Variants in RAD51B observed in about 807,000 individuals in gnomAD.
RAD51B encodes the protein DNA repair protein RAD51 homolog 2.
Under a neutral mutation model 42.2 loss-of-function variants are expected in RAD51B, and 38 were observed. That is an observed-to-expected ratio of 0.90 (90% CI 0.70 to 1.18). The LOEUF (loss-of-function observed/expected upper bound fraction) is 1.18. Among genes scored for constraint, RAD51B ranks in the 50% most tolerant of loss-of-function variants. The pLI, the probability that RAD51B is intolerant of heterozygous loss-of-function variation, is 0.00. For missense variants in RAD51B, 373 were observed against 400.7 expected (o/e 0.93, Z 0.59); for synonymous variants, 154 against 145.2 (o/e 1.06, Z -0.43).
intron 5 of RAD51B, among the ~76,000 whole-genome samples, chr14:67,870,992 C>T (rs1480660781): frequency 4.0e-5 from 6 of 150,730 alleles, no homozygotes; most frequent in Non-Finnish European, 8.9e-5. Context: ...CAGGAAAGAT[C>T]CAAAATTGAC....
chr14:68,645,450 T>C (rs879564751), intron 10 of RAD51B, among the ~76,000 whole-genome samples: 1 of 152,238 alleles, frequency 6.6e-6, no homozygotes, highest in Non-Finnish European at 1.5e-5. Context: ...ATAATGTTGC[T>C]ATGAACGTGG....
intron 10 of RAD51B, among the ~76,000 whole-genome samples, chr14:68,577,742 TCA>T (rs139667426): frequency 1.3e-4 from 20 of 149,266 alleles, no homozygotes; most frequent in Admixed American, 2.7e-4. Flanking sequence ...ACCTCTCTCA[TCA>T]CACACACACA....
intron 7 of RAD51B, among the ~76,000 whole-genome samples, chr14:67,976,590 T>C (rs1304849694): frequency 6.6e-6 from 1 of 152,118 alleles, no homozygotes; most frequent in African/African-American, 2.4e-5. Context: ...ACTTACATAT[T>C]AGACCTAAAA....
chr14:67,931,057 A>G (rs575826568), intron 7 of RAD51B, among the ~76,000 whole-genome samples: 1 of 152,130 alleles, frequency 6.6e-6, no homozygotes, highest in South Asian at 2.1e-4. Flanking sequence ...AGTAGCTGGG[A>G]CTACAGGAGC....
At chr14:68,595,776 A>G in exon 11 of RAD51B, 1 of 421,086 alleles carries the variant, frequency 2.4e-6, no homozygotes, top group Non-Finnish European at 3.4e-6. Flanking sequence ...AAGTGTTCAC[A>G]CCATATTATT....
Position 68,093,842 on chromosome 14 carries a change from G to T in RAD51B, c.757-198042G>T, listed in dbSNP as rs910310331. 2.6e-5 allele frequency among the ~76,000 whole-genome samples: 4 copies of T among 152,186 alleles called. No individual in the cohort carries two copies. In the East Asian group the frequency reaches 5.8e-4, roughly 22 times the overall value. ...CAAACAATGATGTGAGGAACATCCT[G>T]GTACTCTCCAGGGTATGTACTGAGG... On this transcript the variant is annotated intron_variant, in intron 7 of 10. Coordinates refer to ENST00000471583, the MANE Select transcript of RAD51B (RefSeq NM_133510.4).
intron 10 of RAD51B, chr14:68,563,079 GA>G: frequency 1.0e-6 from 1 of 985,488 alleles, no homozygotes; most frequent in Non-Finnish European, 1.2e-6. Flanking sequence ...GAGGCTGGCA[GA>G]AAAGCCTCCG....
chr14:68,598,825 GTAT>G (rs929601751), downstream of RAD51B, among the ~76,000 whole-genome samples: 1 of 152,204 alleles, frequency 6.6e-6, no homozygotes, highest in African/African-American at 2.4e-5. Flanking sequence ...AGAAAATGGA[GTAT>G]TATTATTATT....
At chr14:68,642,624 T>G (rs977417902) in intron 10 of RAD51B, among the ~76,000 whole-genome samples, 2 of 152,200 alleles carry the variant, frequency 1.3e-5, no homozygotes, top group African/African-American at 4.8e-5. Flanking sequence ...TTCCTTTGAT[T>G]TGTATTATTT....
intron 10 of RAD51B, among the ~76,000 whole-genome samples, chr14:68,530,446 CAAAAAA>C (rs35454756): frequency 2.7e-4 from 18 of 67,842 alleles, no homozygotes; most frequent in Non-Finnish European, 4.0e-4. Flanking sequence ...GACCCTGTCT[CAAAAAA>C]AAAAAAAAAA....
chr14:68,585,887 G>T (rs543178944), intron 10 of RAD51B, among the ~76,000 whole-genome samples: 3 of 152,088 alleles, frequency 2.0e-5, no homozygotes, highest in South Asian at 2.1e-4. Context: ...AGCTGCAGAG[G>T]GGGGAGACAA....
intron 8 of RAD51B, among the ~76,000 whole-genome samples, chr14:68,319,568 G>A (rs1472637060): frequency 6.6e-6 from 1 of 152,084 alleles, no homozygotes; most frequent in African/African-American, 2.4e-5. Flanking sequence ...TTATCTTCTT[G>A]TAGCCAGCTC....
chr14:68,413,146 A>G (rs2084462736), intron 9 of RAD51B, among the ~76,000 whole-genome samples: 1 of 152,244 alleles, frequency 6.6e-6, no homozygotes, highest in Non-Finnish European at 1.5e-5. Context: ...TGAATAAAGA[A>G]ATTAGAGCCA....
intron 7 of RAD51B, among the ~76,000 whole-genome samples, chr14:68,021,171 T>G (rs1315189595): frequency 2.6e-5 from 4 of 152,158 alleles, no homozygotes; most frequent in Non-Finnish European, 4.4e-5. Context: ...TTTTCACATA[T>G]AATTATTATT....
chr14:67,877,952 G>A (rs2042781545), intron 5 of RAD51B, among the ~76,000 whole-genome samples: 1 of 152,226 alleles, frequency 6.6e-6, no homozygotes, highest in Non-Finnish European at 1.5e-5. Context: ...AGCATAAGCC[G>A]CCATGCCTGG....
At chr14:68,429,216 C>A (rs1041123782) in intron 9 of RAD51B, among the ~76,000 whole-genome samples, 3 of 152,104 alleles carry the variant, frequency 2.0e-5, no homozygotes, top group African/African-American at 7.2e-5. Context: ...AATAAACATA[C>A]GTGTACATGT....
At chr14:68,334,950 A>G (rs1283332866) in intron 8 of RAD51B, among the ~76,000 whole-genome samples, 4 of 78,212 alleles carry the variant, frequency 5.1e-5, no homozygotes, top group African/African-American at 1.5e-4. Flanking sequence ...TAAGTATTAT[A>G]TATGTTTTAT....
intron 8 of RAD51B, among the ~76,000 whole-genome samples, chr14:68,302,359 G>T (rs1323161230): frequency 1.3e-5 from 2 of 152,220 alleles, no homozygotes; most frequent in East Asian, 3.8e-4. Context: ...ACAGATAGGA[G>T]TCCTGGCTTG....
intron 10 of RAD51B, among the ~76,000 whole-genome samples, chr14:68,502,334 G>A (rs1315703024): frequency 6.6e-6 from 1 of 152,178 alleles, no homozygotes; most frequent in African/African-American, 2.4e-5. Context: ...CAGCCCCTAC[G>A]AAAACTGATC....
Sources: allele counts gnomAD v4.1 joint callset (sites outside exome capture counted in the v4.1 genomes callset), GRCh38; gene constraint gnomAD v4.1.1; transcripts MANE v1.5; gene names NCBI Gene and HGNC (gene_info 2026-07-23, HGNC 2026-07-21).